Variants in COQ2 observed in about 807,000 individuals in gnomAD.
COQ2 encodes the protein 4-hydroxybenzoate polyprenyltransferase, mitochondrial.
Under a neutral mutation model 35.7 loss-of-function variants are expected in COQ2, and 25 were observed. That is an observed-to-expected ratio of 0.70 (90% CI 0.51 to 0.98). COQ2 has a LOEUF of 0.98. COQ2 is among the 50% of genes least tolerant of loss of function. The probability of loss-of-function intolerance (pLI) is 0.00; values close to 1 mark genes in which losing one functional copy is unlikely to be tolerated. For missense variants in COQ2, 488 were observed against 473.5 expected (o/e 1.03, Z -0.28); for synonymous variants, 206 against 186.2 (o/e 1.11, Z -0.86).
intron 2 of COQ2, 143 bp from the exon 3 acceptor site, chr4:83,273,760 A>G: frequency 2.5e-6 from 2 of 804,156 alleles, no homozygotes; most frequent in Admixed American, 5.3e-5. Flanking sequence ...AGAAATCAAA[A>G]CTTCACATTT....
chr4:83,278,905 G>A, intron 2 of COQ2, 43 bp downstream of exon 2: 1 of 1,509,052 alleles, frequency 6.6e-7, no homozygotes, highest in Non-Finnish European at 8.9e-7. Context: ...TTATTCTGCA[G>A]AATTGAGAAG....
upstream of COQ2, chr4:83,284,944 T>A (rs1303932475): frequency 3.5e-6 from 5 of 1,419,152 alleles, no homozygotes; most frequent in Admixed American, 1.3e-4. Context: ...GAGGAATACT[T>A]AATGAAAAAG....
chr4:83,283,611 A>G, intron 1 of COQ2: 1 of 985,374 alleles, frequency 1.0e-6, no homozygotes, highest in African/African-American at 1.7e-5. Context: ...CTCATATTTG[A>G]TCCATATTTT....
At chr4:83,284,256 C>A in intron 1 of COQ2, 1 of 985,460 alleles carries the variant, frequency 1.0e-6, no homozygotes, top group Non-Finnish European at 1.2e-6. Flanking sequence ...CTTTAGGAGA[C>A]TGTCCCGACT....
At chr4:83,280,441 T>C (rs2126175832) in intron 1 of COQ2, among the ~76,000 whole-genome samples, 1 of 152,322 alleles carries the variant, frequency 6.6e-6, no homozygotes, top group East Asian at 1.9e-4. Context: ...CTTCACTAAG[T>C]TTAAGCTTTA....
intron 2 of COQ2, among the ~76,000 whole-genome samples, chr4:83,278,376 A>C (rs1219506933): frequency 6.6e-6 from 1 of 152,216 alleles, no homozygotes; most frequent in African/African-American, 2.4e-5. Flanking sequence ...TTCTTAACCG[A>C]AGTTTTCTCT....
intron 2 of COQ2, among the ~76,000 whole-genome samples, chr4:83,277,696 G>A (rs1232774467): frequency 1.3e-5 from 2 of 152,270 alleles, no homozygotes; most frequent in African/African-American, 2.4e-5. Context: ...ATGGCCAGGC[G>A]CGGTGGCTCA....
chr4:83,265,268 T>C (rs1734886182), intron 6 of COQ2, among the ~76,000 whole-genome samples: 1 of 152,158 alleles, frequency 6.6e-6, no homozygotes. Context: ...TTAAACACTG[T>C]ATCGAAAACT....
chr4:83,279,044 A>C lies in COQ2; in HGVS notation c.324T>G (p.Asp108Glu), dbSNP rs1735250165. The change falls in exon 2 of 7, where the codon GAT (aspartate) becomes GAG (glutamate). Residue 108 changes from aspartate to glutamate, a missense_variant. Coordinates refer to ENST00000647002, the MANE Select transcript of COQ2 (RefSeq NM_001358921.2). Reference protein sequence around the residue: ...GLAAEPGCFPDWYMLSLFGTG... With the variant: ...GLAAEPGCFPEWYMLSLFGTG... Reference sequence around the variant, plus strand: ...TGCCAAAGAGGGAGAGCATGTACCAATCTGGAAAACAACCTGGTTCAGCTG... The same window carrying C: ...TGCCAAAGAGGGAGAGCATGTACCACTCTGGAAAACAACCTGGTTCAGCTG... 1 of 1,601,694 alleles carries C rather than the reference A, an allele frequency of 6.2e-7. No homozygotes were observed. Among genetic ancestry groups the C allele is most frequent in the Non-Finnish European group, 8.5e-7 (1 of 1,173,828 alleles).
chr4:83,269,714 GAAAA>G, intron 5 of COQ2, 142 bp downstream of exon 5: 5 of 704,024 alleles, frequency 7.1e-6, no homozygotes, highest in Non-Finnish European at 1.1e-5. Context: ...TTTCTTTTTA[GAAAA>G]AAAAAATTCT....
intron 6 of COQ2, chr4:83,267,254 G>A (rs1734940576): frequency 4.5e-6 from 2 of 446,624 alleles, no homozygotes; most frequent in African/African-American, 2.0e-5. Flanking sequence ...GTGCATGACT[G>A]TAGTCCCAGC....
intron 5 of COQ2, among the ~76,000 whole-genome samples, chr4:83,268,338 T>C (rs1449903079): frequency 2.6e-5 from 4 of 152,220 alleles, no homozygotes; most frequent in African/African-American, 9.6e-5. Context: ...GTCTTGATGA[T>C]ATAACCACAT....
In COQ2 at chr4:83,284,662, C is replaced by G; in HGVS notation, c.103G>C (p.Ala35Pro). Residue 35 changes from alanine (A) to proline (P), a missense_variant, in exon 1 of 7, where the codon GCA becomes CCA. Ala to Pro is a conservative substitution (Grantham distance 27, BLOSUM62 -1). Transcript: ENST00000647002. ...RGRSFALARA[A>P]GAPHGGDLQP... ...AAGTCACCACCGTGGGGCGCGCCTG[C>G]CGCACGCGCCAGGGCGAAGGAGCGG... The G allele has an allele frequency of 6.9e-7, 1 of 1,450,448 alleles. No individual in the cohort carries two copies. The highest frequency in any genetic ancestry group is 1.5e-5 in the African/African-American group (1 of 67,338). 89.8% of individuals were successfully genotyped at this position (1,450,448 alleles called of 1,614,324 possible).
At chr4:83,268,387 C>T (rs2126171895) in intron 5 of COQ2, among the ~76,000 whole-genome samples, 1 of 152,162 alleles carries the variant, frequency 6.6e-6, no homozygotes, top group East Asian at 1.9e-4. Context: ...TACTTGTAAG[C>T]ATCTCCATAT....
At chr4:83,274,099 T>A (rs902098309) in intron 2 of COQ2, among the ~76,000 whole-genome samples, 1 of 151,334 alleles carries the variant, frequency 6.6e-6, no homozygotes, top group African/African-American at 2.4e-5. Context: ...GAAGCTGCAG[T>A]GAGTCATGAT....
intron 6 of COQ2, 66 bp downstream of exon 6, chr4:83,267,520 C>G: frequency 7.1e-7 from 1 of 1,405,422 alleles, no homozygotes; most frequent in Non-Finnish European, 9.6e-7. Flanking sequence ...AGAGGGCATA[C>G]TGTTTAAATA....
At chr4:83,273,401 T>C (rs1254054639) in intron 3 of COQ2, 95 bp downstream of exon 3, 2 of 1,332,138 alleles carry the variant, frequency 1.5e-6, no homozygotes, top group Non-Finnish European at 2.1e-6. Flanking sequence ...AAGTAGCAAA[T>C]GAACAACTTT....
chr4:83,266,780 C>G (rs1163854377), intron 6 of COQ2: 1 of 171,112 alleles, frequency 5.8e-6, no homozygotes, highest in Non-Finnish European at 1.3e-5. Context: ...GGGTGAATAT[C>G]CTGAAATGAC....
intron 1 of COQ2, chr4:83,284,300 G>C: frequency 2.0e-6 from 2 of 985,268 alleles, no homozygotes; most frequent in Non-Finnish European, 2.4e-6. Context: ...CAGGGCGCAC[G>C]GCAGCCGGCA....
Sources: gnomAD v4.1 joint callset for allele counts (sites outside exome capture counted in the v4.1 genomes callset) on GRCh38, gnomAD v4.1.1 for gene constraint, MANE v1.5 for transcripts, NCBI Gene and HGNC (gene_info 2026-07-23, HGNC 2026-07-21) for gene names.